SGCG: variants seen among roughly 807,000 people sequenced by gnomAD.
The protein encoded by SGCG is sarcoglycan gamma.
In SGCG, 26 loss-of-function variants were observed where a neutral mutation model predicts 29.3. The observed-to-expected ratio is 0.89, with a 90% CI of 0.65 to 1.23. The LOEUF (loss-of-function observed/expected upper bound fraction) is 1.23. Ranked by LOEUF, SGCG falls within the 50% of genes most tolerant of loss-of-function variation. SGCG has a pLI of 0.00. For missense variants in SGCG, 353 were observed against 356.0 expected (o/e 0.99, Z 0.07); for synonymous variants, 145 against 129.7 (o/e 1.12, Z -0.80).
At chr13:23,175,850 C>T in the SGCG span, among the ~76,000 whole-genome samples, 551 of 152,098 alleles carry the variant, frequency 3.6e-3, 4 homozygotes, top group African/African-American at 0.013. Context: ...AAAATGTGTT[C>T]ACTGTGTGAT....
intron 3 of SGCG, chr13:23,247,098 CGA>C (rs1225803111): frequency 1.8e-5 from 3 of 167,094 alleles, no homozygotes; most frequent in African/African-American, 7.1e-5. Flanking sequence ...GCATACGGTG[CGA>C]GAGATTGCCA....
At chr13:23,176,854 G>C (rs1260885294), upstream of SGCG, among the ~76,000 whole-genome samples, 1 of 152,036 alleles carries the variant, frequency 6.6e-6, no homozygotes, top group African/African-American at 2.4e-5. Flanking sequence ...GAGGTTTTCT[G>C]TGGTGCCACT....
intron 3 of SGCG, 31 bp downstream of exon 3, chr13:23,234,743 C>A: frequency 1.4e-6 from 2 of 1,424,068 alleles, no homozygotes; most frequent in Non-Finnish European, 2.0e-6. Flanking sequence ...ATAATTTGTG[C>A]TTTATGAAAA....
intron 1 of SGCG, among the ~76,000 whole-genome samples, chr13:23,193,087 GGAAGGCT>G (rs1877342340): frequency 6.6e-6 from 1 of 152,226 alleles, no homozygotes; most frequent in South Asian, 2.1e-4. Flanking sequence ...AGGTGTTTAT[GGAAGGCT>G]GAGGTCAGGA....
rs966245859 is a variant in SGCG, at chr13:23,304,667, G to A, written c.578+9180G>A. 5.3e-5 allele frequency among the ~76,000 whole-genome samples: 8 copies of A among 152,160 alleles called. No individual in the cohort carries two copies. In the South Asian group the frequency reaches 1.2e-3, roughly 24 times the overall value. The stretch of plus-strand genomic sequence containing the variant: ...TGCCCAGGCTGGAGTGCAGTGGCAG[G>A]ATCCCAGCTCACTGCAGCCTCTGCC... On this transcript the variant is annotated intron_variant, in intron 6 of 7. Coordinates refer to ENST00000218867, the MANE Select transcript of SGCG (RefSeq NM_000231.3).
At chr13:23,248,618 C>T (rs1048511535) in intron 3 of SGCG, among the ~76,000 whole-genome samples, 2 of 149,598 alleles carry the variant, frequency 1.3e-5, no homozygotes, top group African/African-American at 2.5e-5. Context: ...GGCGGGAACC[C>T]GGGAGGCGGA....
intron 3 of SGCG, among the ~76,000 whole-genome samples, chr13:23,247,763 T>C (rs1238962003): frequency 1.4e-5 from 2 of 144,712 alleles, no homozygotes; most frequent in Non-Finnish European, 3.0e-5. Flanking sequence ...CTGGGCAACA[T>C]AGTTAAAACT....
At chr13:23,212,392 A>G (rs1286975938) in intron 2 of SGCG, among the ~76,000 whole-genome samples, 2 of 151,634 alleles carry the variant, frequency 1.3e-5, no homozygotes, top group Non-Finnish European at 2.9e-5. Context: ...GCACACCACA[A>G]TTTTCTGGTT....
chr13:23,296,902 A>G (rs2137647263), intron 6 of SGCG, among the ~76,000 whole-genome samples: 1 of 152,326 alleles, frequency 6.6e-6, no homozygotes, highest in African/African-American at 2.4e-5. Flanking sequence ...TTTGTATTTT[A>G]TAACAAAACC....
intron 7 of SGCG, among the ~76,000 whole-genome samples, chr13:23,321,860 C>T (rs1394693465): frequency 6.6e-6 from 1 of 151,752 alleles, no homozygotes; most frequent in Non-Finnish European, 1.5e-5. Flanking sequence ...CACAATGAGG[C>T]TTACAGCACA....
chr13:23,236,551 G>A (rs890882940), intron 3 of SGCG, among the ~76,000 whole-genome samples: 25 of 152,130 alleles, frequency 1.6e-4, no homozygotes, highest in Admixed American at 5.9e-4. Context: ...GGTGGCGGGC[G>A]CCTGTAGTCC....
intron 5 of SGCG, among the ~76,000 whole-genome samples, chr13:23,287,088 C>A (rs1215086258): frequency 6.6e-6 from 1 of 152,172 alleles, no homozygotes; most frequent in Non-Finnish European, 1.5e-5. Flanking sequence ...TGTATATTTC[C>A]TTCTCCTTTC....
chr13:23,175,590 C>T, the SGCG span, among the ~76,000 whole-genome samples: 1 of 152,062 alleles, frequency 6.6e-6, no homozygotes, highest in Non-Finnish European at 1.5e-5. Flanking sequence ...ACTCTATTTT[C>T]TCCCCTGAAA....
In SGCG at chr13:23,295,473, G is replaced by A. The variant is rs367595212; in HGVS notation, c.564G>A (p.Pro188=). The A allele has an allele frequency of 2.2e-5, 35 of 1,613,238 alleles. No individual in the cohort carries two copies. In the African/African-American group the frequency reaches 2.8e-4, roughly 13 times the overall value. The change falls in exon 6 of 8, where the codon CCG becomes CCA. Residue 188 remains proline (P), a synonymous_variant. Coordinates refer to ENST00000218867, the MANE Select transcript of SGCG (RefSeq NM_000231.3). ...SVETPLVRAD[P]FQDLRLESPT... is the part of the protein sequence containing the mutation. ...AGACACCCCTTGTCAGAGCCGACCC[G>A]TTTCAAGACCTTAGGTAAGAATTTT... is the stretch of plus-strand genomic sequence containing the variant.
At chr13:23,229,295 A>G (rs1879019682) in intron 2 of SGCG, among the ~76,000 whole-genome samples, 1 of 152,144 alleles carries the variant, frequency 6.6e-6, no homozygotes, top group Admixed American at 6.5e-5. Context: ...AACAATTTTT[A>G]TTCTTTGGGT....
intron 7 of SGCG, among the ~76,000 whole-genome samples, chr13:23,321,763 A>C (rs1396010991): frequency 6.6e-6 from 1 of 152,242 alleles, no homozygotes; most frequent in Non-Finnish European, 1.5e-5. Context: ...GACAGCAGAT[A>C]ACTAAAATCA....
intron 5 of SGCG, among the ~76,000 whole-genome samples, chr13:23,283,830 C>A (rs1029353388): frequency 6.6e-6 from 1 of 152,180 alleles, no homozygotes; most frequent in African/African-American, 2.4e-5. Flanking sequence ...AATCTCTCAG[C>A]ATTTGCTTAT....
chr13:23,203,718 A>T lies in SGCG; in HGVS notation c.24A>T (p.Thr8=). Residue 8 remains threonine (T), a synonymous_variant, in exon 2 of 8, where the codon ACA becomes ACT. Transcript: ENST00000218867. MVREQYT[T]ATEGICIERP... ...AGATGGTGCGTGAGCAGTACACTAC[A>T]GCCACAGAAGGCATCTGCATAGAGA... 6.2e-7 allele frequency: 1 copy of T among 1,613,718 alleles called. No homozygotes were observed. Among genetic ancestry groups the T allele is most frequent in the Non-Finnish European group, 8.5e-7 (1 of 1,179,738 alleles).
intron 3 of SGCG, among the ~76,000 whole-genome samples, chr13:23,249,542 CAAGT>C (rs1415066971): frequency 2.0e-5 from 2 of 101,158 alleles, no homozygotes; most frequent in African/African-American, 4.4e-5. Flanking sequence ...AGTTTTGAGA[CAAGT>C]AAAGCGAAAA....
Sources: allele counts gnomAD v4.1 joint callset (sites outside exome capture counted in the v4.1 genomes callset), GRCh38; gene constraint gnomAD v4.1.1; transcripts MANE v1.5; gene names NCBI Gene and HGNC (gene_info 2026-07-23, HGNC 2026-07-21).